PPP1R12C: variants seen among roughly 807,000 people sequenced by gnomAD.
PPP1R12C encodes protein phosphatase 1 regulatory subunit 12C, also known as leukocyte receptor cluster (LRC) encoded novel gene 3.
Under a neutral mutation model 95.6 loss-of-function variants are expected in PPP1R12C, and 48 were observed. The ratio of observed to expected loss-of-function variants is 0.50; its 90% CI spans 0.40 to 0.64. PPP1R12C has a LOEUF of 0.64. PPP1R12C is among the 30% of genes least tolerant of loss of function. The pLI, the probability that PPP1R12C is intolerant of heterozygous loss-of-function variation, is 0.00. For synonymous variants in PPP1R12C, 480 were observed against 460.8 expected, an observed-to-expected ratio of 1.04 and a Z score of -0.53; for missense variants, 1,057 against 1,083.3, an observed-to-expected ratio of 0.98 and a Z score of 0.34.
intron 12 of PPP1R12C, 106 bp downstream of exon 12, chr19:55,094,555 G>A (rs911279638): frequency 6.4e-7 from 1 of 1,552,630 alleles, no homozygotes; most frequent in African/African-American, 1.4e-5. Context: ...GCAGACCTGA[G>A]GCCAGCTCTC....
At chr19:55,104,238 T>G (rs1299985069) in intron 3 of PPP1R12C, among the ~76,000 whole-genome samples, 1 of 136,712 alleles carries the variant, frequency 7.3e-6, no homozygotes, top group African/African-American at 2.7e-5. Context: ...ATATAAAAAA[T>G]ATTTATATAT....
At chr19:55,113,789 T>C (rs981748562) in intron 1 of PPP1R12C, 18 of 282,414 alleles carry the variant, frequency 6.4e-5, no homozygotes, top group African/African-American at 3.7e-4. Flanking sequence ...TGAACTCGGC[T>C]CGTTTATTTC....
At chr19:55,111,552 T>A (rs180881180) in intron 3 of PPP1R12C, 1 of 152,016 alleles carries the variant, frequency 6.6e-6, no homozygotes, top group African/African-American at 2.4e-5. Flanking sequence ...CCGTCACGTG[T>A]CCCACTAGCT....
chr19:55,104,930 C>T (rs893115373), intron 3 of PPP1R12C, among the ~76,000 whole-genome samples: 3 of 151,972 alleles, frequency 2.0e-5, no homozygotes, highest in African/African-American at 7.3e-5. Context: ...CGCCACCACA[C>T]CCAGCTAACT....
In PPP1R12C at chr19:55,096,481, C is replaced by CGTGT. The variant is rs1329684365; in HGVS notation, c.952-147_952-146insACAC. On this transcript the variant is annotated intron_variant, in intron 6 of 21. Coordinates refer to ENST00000263433, the MANE Select transcript of PPP1R12C (RefSeq NM_017607.4). ...ACTGGTTTTCCTACAGATGGCCACA[C>CGTGT]ACCTCAGGGGCAGGAGGTGCCCTGC... 3 of 962,130 alleles carry CGTGT rather than the reference C, an allele frequency of 3.1e-6. No individual in the cohort carries two copies. The Admixed American group carries it at 6.1e-5, about 20-fold the overall frequency. 59.6% of individuals were successfully genotyped at this position (962,130 alleles called of 1,614,324 possible).
chr19:55,117,147 G>T, intron 1 of PPP1R12C, 76 bp downstream of exon 1: 1 of 1,140,980 alleles, frequency 8.8e-7, no homozygotes, highest in Non-Finnish European at 1.1e-6. Flanking sequence ...GACTGGCAAC[G>T]GGGAAGGAGG....
chr19:55,094,535 C>T, intron 12 of PPP1R12C, 100 bp from the exon 13 acceptor site: 1 of 1,576,318 alleles, frequency 6.3e-7, no homozygotes, highest in Non-Finnish European at 8.6e-7. Context: ...GGAGGGGACT[C>T]CAACTCCCAG....
At chr19:55,097,291 A>G (rs866388207) in intron 6 of PPP1R12C, among the ~76,000 whole-genome samples, 4 of 60,236 alleles carry the variant, frequency 6.6e-5, no homozygotes, top group African/African-American at 7.9e-5. Flanking sequence ...CACCGTCTTC[A>G]CCCCTTCCCC....
rs770737113 is a variant in PPP1R12C, at chr19:55,092,333, G to T, written c.2056-7C>A. On this transcript the variant is annotated splice_region_variant and splice_polypyrimidine_tract_variant and intron_variant, in intron 18 of 21. Transcript: ENST00000263433. ...TGCGCAGCTCTGCATACAGCTGGGG[G>T]TCAGGTAGAGGAGGGTCAGGTGGAG... The T allele has an allele frequency of 1.1e-5, 18 of 1,588,172 alleles. No individual in the cohort carries two copies. The highest frequency in any genetic ancestry group is 1.5e-5 in the Non-Finnish European group (18 of 1,166,816).
intron 6 of PPP1R12C, 57 bp downstream of exon 6, chr19:55,098,727 T>C (rs1178372710): frequency 8.7e-6 from 14 of 1,602,402 alleles, no homozygotes; most frequent in Non-Finnish European, 1.0e-5. Flanking sequence ...CACCCTCCTC[T>C]GAGGAGCTGA....
In PPP1R12C at chr19:55,096,176, C is replaced by T. The variant is rs2084910260; in HGVS notation, c.1028G>A (p.Ser343Asn). Residue 343 changes from serine (S) to asparagine (N), a missense_variant and splice_region_variant, in exon 8 of 22, where the codon AGC becomes AAC. Coordinates refer to ENST00000263433, the MANE Select transcript of PPP1R12C (RefSeq NM_017607.4). ...GCGACTGCTCAGACGACACACAGAG[C>T]TCCTGTTGGGGAAGGAGAGGGTGCT... Reference protein sequence around the residue: ...QAPSSSKHRRSSVCRLSSREK... With the variant: ...QAPSSSKHRRNSVCRLSSREK... The T allele has an allele frequency of 6.2e-7, 1 of 1,607,124 alleles. No homozygotes were observed. The highest frequency in any genetic ancestry group is 1.1e-5 in the South Asian group (1 of 90,848).
At position 55,092,788 on chromosome 19, in the gene PPP1R12C, C is replaced by CA; in HGVS notation, c.1905dup (p.Ala636CysfsTer10). 1 of 1,556,714 alleles carries CA rather than the reference C, an allele frequency of 6.4e-7. No individual in the cohort carries two copies. Among genetic ancestry groups the CA allele is most frequent in the South Asian group, 1.2e-5 (1 of 84,698 alleles). The stretch of plus-strand genomic sequence containing the variant: ...GCCCCACCTGAGCCCCTCACCTCCG[C>CA]AGGCCCCCTCCACTCCTTTCCGACC... On this transcript the variant is annotated frameshift_variant, in exon 16 of 22. Coordinates refer to ENST00000263433, the MANE Select transcript of PPP1R12C (RefSeq NM_017607.4). LOFTEE classifies it high-confidence loss of function.
intron 6 of PPP1R12C, 104 bp from the exon 7 acceptor site, chr19:55,096,439 C>T: frequency 2.2e-6 from 3 of 1,363,946 alleles, no homozygotes; most frequent in South Asian, 1.2e-5. Flanking sequence ...AGGCGGGCAC[C>T]GAGGGCTCGT....
At position 55,094,779 on chromosome 19, in the gene PPP1R12C, G is replaced by A; in HGVS notation, c.1474C>T (p.Pro492Ser). 6.2e-7 allele frequency: 1 copy of A among 1,600,128 alleles called. No individual in the cohort carries two copies. The highest frequency in any genetic ancestry group is 8.5e-7 in the Non-Finnish European group (1 of 1,175,262). The change falls in exon 12 of 22, where the codon CCT (proline) becomes TCT (serine). Residue 492 changes from proline to serine, a missense_variant. Pro to Ser is a moderately conservative substitution (Grantham distance 74). Around this residue, in one of 5 missense-constraint regions of PPP1R12C, gnomAD observed 356 missense variants for 330.5 expected, o/e 1.08. Coordinates refer to ENST00000263433, the MANE Select transcript of PPP1R12C (RefSeq NM_017607.4). ...GGCGAGGAGTTCTCCAAGCAAGGAG[G>A]AGGCTTGGTGACCTCAGACCTGCAT... ...PSVLSEVTKP[P>S]PCLENSSPPS...
intron 1 of PPP1R12C, chr19:55,113,440 C>T: frequency 1.3e-6 from 2 of 1,501,162 alleles, no homozygotes; most frequent in Non-Finnish European, 1.8e-6. Context: ...CTGAGGCCCC[C>T]TCTGCACGGG....
intron 3 of PPP1R12C, among the ~76,000 whole-genome samples, chr19:55,108,370 T>G (rs1360464864): frequency 6.6e-6 from 1 of 152,038 alleles, no homozygotes; most frequent in African/African-American, 2.4e-5. Context: ...GGCTCACACC[T>G]GCAATCCCAG....
Position 55,091,900 on chromosome 19 carries a change from G to C in PPP1R12C, c.2170C>G (p.Arg724Gly), listed in dbSNP as rs1309069729. 2 of 1,613,162 alleles carry C rather than the reference G, an allele frequency of 1.2e-6. No homozygotes were observed. The highest frequency in any genetic ancestry group is 1.7e-5 in the Admixed American group (1 of 60,006). Reference protein sequence around the residue: ...ELERATQRQERFAERPALLEL... With the variant: ...ELERATQRQEGFAERPALLEL... ...AGGAGGGCTGGCCTCTCAGCGAAGC[G>C]TTCTTGCCTCTGGTGAGGACACAGA... Residue 724 changes from arginine (R) to glycine (G), a missense_variant, in exon 20 of 22, where the codon CGC becomes GGC. Coordinates refer to ENST00000263433, the MANE Select transcript of PPP1R12C (RefSeq NM_017607.4).
chr19:55,113,660 G>A, intron 1 of PPP1R12C: 1 of 1,186,480 alleles, frequency 8.4e-7, no homozygotes, highest in East Asian at 3.2e-5. Context: ...TACCCCCCAA[G>A]TCCCTCACCT....
chr19:55,116,231 A>T (rs2085151898), intron 1 of PPP1R12C, among the ~76,000 whole-genome samples: 1 of 152,170 alleles, frequency 6.6e-6, no homozygotes, highest in African/African-American at 2.4e-5. Context: ...AAGAAACGAG[A>T]GATGGCACAG....
Sources: gnomAD v4.1 joint callset for allele counts (sites outside exome capture counted in the v4.1 genomes callset) on GRCh38, gnomAD v4.1.1 for gene constraint, gnomAD v4.1.1 regional missense constraint, MANE v1.5 for transcripts, NCBI Gene and HGNC (gene_info 2026-07-23, HGNC 2026-07-21) for gene names.